Variants in CHN1 observed in about 807,000 individuals in gnomAD.
CHN1 encodes chimerin 1.
A neutral mutation model predicts 59.5 loss-of-function variants in CHN1; 37 were observed. The observed-to-expected ratio is 0.62, with a 90% CI of 0.48 to 0.82. The LOEUF (loss-of-function observed/expected upper bound fraction) is 0.82, where lower values mean the gene tolerates loss of function less well. Ranked by LOEUF, CHN1 falls within the 40% of genes least tolerant of loss-of-function variation. The pLI is 0.00. For missense variants in CHN1, 469 were observed against 571.0 expected (o/e 0.82, Z 1.82); for synonymous variants, 206 against 200.4 (o/e 1.03, Z -0.24).
intron 6 of CHN1, among the ~76,000 whole-genome samples, chr2:174,863,184 C>T (rs1453743082): frequency 2.0e-5 from 3 of 152,114 alleles, no homozygotes; most frequent in African/African-American, 7.2e-5. Flanking sequence ...ATTTGGAAGA[C>T]CTACGTAACT....
intron 7 of CHN1, among the ~76,000 whole-genome samples, chr2:174,826,936 GTTTTT>G (rs373844033): frequency 6.6e-6 from 1 of 150,600 alleles, no homozygotes; most frequent in Non-Finnish European, 1.5e-5. Flanking sequence ...AGGCTGGGTT[GTTTTT>G]TTTTGTTTTT....
chr2:174,941,582 TAA>T (rs1472941385), intron 3 of CHN1, among the ~76,000 whole-genome samples: 2 of 152,192 alleles, frequency 1.3e-5, no homozygotes, highest in Admixed American at 6.5e-5. Flanking sequence ...CACATGTAGT[TAA>T]GACTTCTCTA....
chr2:174,904,654 C>T (rs192659260), intron 5 of CHN1, among the ~76,000 whole-genome samples: 1 of 152,284 alleles, frequency 6.6e-6, no homozygotes. Flanking sequence ...TCCTAAAGTG[C>T]TGCGATTACA....
At chr2:174,970,628 T>C (rs1481360973) in intron 1 of CHN1, among the ~76,000 whole-genome samples, 1 of 152,220 alleles carries the variant, frequency 6.6e-6, no homozygotes, top group Non-Finnish European at 1.5e-5. Context: ...ATGAATATTT[T>C]TGAAATGACA....
At chr2:174,976,033 G>C (rs1299684890) in intron 1 of CHN1, among the ~76,000 whole-genome samples, 1 of 145,208 alleles carries the variant, frequency 6.9e-6, no homozygotes, top group African/African-American at 2.5e-5. Flanking sequence ...GGCTGAGGCA[G>C]GTGAATGGTG....
chr2:174,833,173 A>G (rs1685938589), intron 7 of CHN1, among the ~76,000 whole-genome samples: 1 of 152,130 alleles, frequency 6.6e-6, no homozygotes, highest in Non-Finnish European at 1.5e-5. Flanking sequence ...CAAGTCTTCT[A>G]TACTCTTACT....
chr2:174,813,522 C>G (rs946465361), intron 8 of CHN1, among the ~76,000 whole-genome samples: 1 of 152,158 alleles, frequency 6.6e-6, no homozygotes, highest in Non-Finnish European at 1.5e-5. Context: ...AGAAATGAAA[C>G]ATTTTCTGGT....
At position 175,005,025 on chromosome 2, in the gene CHN1, G is replaced by T; in HGVS notation, c.-113C>A. ...TCGGAGAGAGTGGGGTGCCCGATGGGGCGTGCTGGGGGCGCCGGCGCCCGG... is the reference window on the plus strand; with the variant it reads ...TCGGAGAGAGTGGGGTGCCCGATGGTGCGTGCTGGGGGCGCCGGCGCCCGG... On this transcript the variant is annotated 5_prime_UTR_variant, in exon 1 of 13. Coordinates refer to ENST00000409900, the MANE Select transcript of CHN1 (RefSeq NM_001822.7). The T allele has an allele frequency of 7.0e-7, 1 of 1,437,882 alleles. No homozygotes were observed. Among genetic ancestry groups the T allele is most frequent in the Admixed American group, 2.6e-5 (1 of 38,920 alleles). 89.1% of individuals were successfully genotyped at this position (1,437,882 alleles called of 1,614,324 possible).
chr2:174,826,133 C>G (rs1409357789), intron 7 of CHN1, among the ~76,000 whole-genome samples: 3 of 152,134 alleles, frequency 2.0e-5, no homozygotes, highest in African/African-American at 7.2e-5. Flanking sequence ...GAAAAGGAGG[C>G]CATAATCCCT....
At chr2:174,999,479 T>C (rs1018811240) in intron 1 of CHN1, among the ~76,000 whole-genome samples, 2 of 152,340 alleles carry the variant, frequency 1.3e-5, no homozygotes, top group Non-Finnish European at 2.9e-5. Flanking sequence ...GCTCTCAAGA[T>C]AGTAAATTCC....
At chr2:174,950,785 T>G (rs1329576622) in intron 2 of CHN1, among the ~76,000 whole-genome samples, 3 of 150,072 alleles carry the variant, frequency 2.0e-5, no homozygotes, top group African/African-American at 7.4e-5. Context: ...AAGTTTTTTT[T>G]TTTTTTTTTT....
At chr2:174,814,897 G>T (rs931536038) in intron 8 of CHN1, among the ~76,000 whole-genome samples, 1 of 152,052 alleles carries the variant, frequency 6.6e-6, no homozygotes, top group Non-Finnish European at 1.5e-5. Context: ...AAAAGGACCC[G>T]AAGTAAGTAA....
chr2:174,866,599 T>C (rs1359005597), intron 6 of CHN1, among the ~76,000 whole-genome samples: 1 of 152,202 alleles, frequency 6.6e-6, no homozygotes, highest in East Asian at 1.9e-4. Context: ...TAGAATGCTA[T>C]AGCCACAAGA....
At chr2:174,929,873 G>A (rs931822741) in intron 3 of CHN1, among the ~76,000 whole-genome samples, 2 of 152,118 alleles carry the variant, frequency 1.3e-5, no homozygotes, top group African/African-American at 4.8e-5. Context: ...TCTACATTAG[G>A]ATATTACAGA....
intron 1 of CHN1, among the ~76,000 whole-genome samples, chr2:174,978,189 A>G (rs1691014982): frequency 6.6e-6 from 1 of 152,162 alleles, no homozygotes; most frequent in Non-Finnish European, 1.5e-5. Flanking sequence ...AGGTTCATGC[A>G]TTGCTTTTGG....
At chr2:174,914,685 A>C (rs900230892) in intron 5 of CHN1, among the ~76,000 whole-genome samples, 5 of 152,006 alleles carry the variant, frequency 3.3e-5, no homozygotes, top group African/African-American at 1.2e-4. Flanking sequence ...TCTACTAAAA[A>C]TGCAAAAATT....
At chr2:174,933,995 T>A (rs1689426656) in intron 3 of CHN1, among the ~76,000 whole-genome samples, 1 of 151,472 alleles carries the variant, frequency 6.6e-6, no homozygotes, top group Non-Finnish European at 1.5e-5. Flanking sequence ...GGAGAGGGAG[T>A]AAGGTATCAG....
At chr2:174,879,902 G>T (rs1417149029) in intron 5 of CHN1, among the ~76,000 whole-genome samples, 1 of 152,150 alleles carries the variant, frequency 6.6e-6, no homozygotes, top group Non-Finnish European at 1.5e-5. Flanking sequence ...AATCTGAGAA[G>T]TATGGGGGGC....
chr2:174,936,617 AT>A (rs1369374006), intron 3 of CHN1, among the ~76,000 whole-genome samples: 2 of 152,130 alleles, frequency 1.3e-5, no homozygotes, highest in Non-Finnish European at 2.9e-5. Flanking sequence ...TATATTTTAC[AT>A]TTTTTATATA....
Sources: allele counts gnomAD v4.1 joint callset (sites outside exome capture counted in the v4.1 genomes callset), GRCh38; gene constraint gnomAD v4.1.1; transcripts MANE v1.5; gene names NCBI Gene and HGNC (gene_info 2026-07-23, HGNC 2026-07-21).